The following DIAPH2 variants were observed in gnomAD, a reference collection of about 807,000 sequenced individuals.
DIAPH2 encodes diaphanous related formin 2, also known as protein diaphanous homolog 2.
DIAPH2 carries 35 observed loss-of-function variants against 92.7 expected under a neutral mutation model. The ratio of observed to expected loss-of-function variants is 0.38; its 90% CI spans 0.29 to 0.50. The LOEUF (loss-of-function observed/expected upper bound fraction) is 0.50, where lower values mean the gene tolerates loss of function less well. Ranked by LOEUF, DIAPH2 falls within the 20% of genes least tolerant of loss-of-function variation. DIAPH2 has a pLI of 0.94. For missense variants in DIAPH2, 701 were observed against 819.5 expected (o/e 0.86, Z 1.77); for synonymous variants, 301 against 280.4 (o/e 1.07, Z -0.73).
intron 25 of DIAPH2, among the ~76,000 whole-genome samples, chrX:97,415,873 G>T (rs935161163): frequency 1.3e-4 from 14 of 111,160 alleles, no homozygotes; most frequent in Non-Finnish European, 2.6e-4. Flanking sequence ...AAATAGTGAG[G>T]ATGTGAATTA....
chrX:97,139,937 C>T (rs934781862), intron 21 of DIAPH2, among the ~76,000 whole-genome samples: 6 of 110,251 alleles, frequency 5.4e-5, no homozygotes, highest in Non-Finnish European at 7.6e-5. Context: ...TAGCCATGTG[C>T]GTTTTATTGT....
intron 26 of DIAPH2, among the ~76,000 whole-genome samples, chrX:97,545,256 T>C (rs965803036): frequency 2.7e-5 from 3 of 111,064 alleles, no homozygotes; most frequent in African/African-American, 9.8e-5. Flanking sequence ...AATCCAAAGC[T>C]ATTTCTCCTT....
At chrX:96,929,747 G>GT (rs957819168) in intron 9 of DIAPH2, among the ~76,000 whole-genome samples, 10 of 110,353 alleles carry the variant, frequency 9.1e-5, no homozygotes, top group African/African-American at 2.9e-4. Context: ...TATATAATAT[G>GT]TTTTTTTCCG....
intron 17 of DIAPH2, among the ~76,000 whole-genome samples, chrX:97,070,579 C>T (rs975940992): frequency 1.8e-5 from 2 of 111,345 alleles, no homozygotes; most frequent in Non-Finnish European, 3.8e-5. Flanking sequence ...AACAAGAAGG[C>T]CAAAGGCAAT....
intron 22 of DIAPH2, among the ~76,000 whole-genome samples, chrX:97,228,553 A>T (rs1243315788): frequency 9.0e-6 from 1 of 111,683 alleles, no homozygotes; most frequent in African/African-American, 3.3e-5. Flanking sequence ...CATACCCTTT[A>T]TTAGGCAGCA....
chrX:97,545,533 A>AAAATAT (rs1260118151), intron 26 of DIAPH2, among the ~76,000 whole-genome samples: 90 of 79,322 alleles, frequency 1.1e-3, no homozygotes, highest in African/African-American at 4.4e-3. Flanking sequence ...AAAAAAAAAA[A>AAAATAT]ATATATATAT....
chrX:97,135,397 G>A (rs1466438934), intron 21 of DIAPH2, among the ~76,000 whole-genome samples: 3 of 110,485 alleles, frequency 2.7e-5, no homozygotes, highest in Admixed American at 1.9e-4. Context: ...TTGTAGAGAT[G>A]GGATATCACC....
chrX:97,466,972 A>G (rs1216338128), intron 26 of DIAPH2, among the ~76,000 whole-genome samples: 2 of 111,742 alleles, frequency 1.8e-5, no homozygotes, highest in Non-Finnish European at 3.8e-5. Context: ...TATTGTGTAT[A>G]TTTTTTCTTT....
At chrX:97,145,831 A>T (rs1032311825) in intron 22 of DIAPH2, among the ~76,000 whole-genome samples, 1 of 109,731 alleles carries the variant, frequency 9.1e-6, no homozygotes, top group Non-Finnish European at 1.9e-5. Flanking sequence ...TTCTCATTTC[A>T]GTATACCCAG....
intron 22 of DIAPH2, among the ~76,000 whole-genome samples, chrX:97,209,499 T>C (rs751509658): frequency 9.0e-6 from 1 of 111,597 alleles, no homozygotes; most frequent in Non-Finnish European, 1.9e-5. Context: ...ATGAAAAATA[T>C]TTTCCTTTTT....
intron 26 of DIAPH2, among the ~76,000 whole-genome samples, chrX:97,596,590 C>G (rs978045263): frequency 1.8e-5 from 2 of 111,476 alleles, no homozygotes; most frequent in Non-Finnish European, 3.8e-5. Context: ...CATGAGCACC[C>G]AGTTTCTCCA....
At chrX:97,391,618 C>G (rs1209207320) in intron 25 of DIAPH2, among the ~76,000 whole-genome samples, 1 of 111,189 alleles carries the variant, frequency 9.0e-6, no homozygotes, top group East Asian at 2.8e-4. Context: ...TGTACACTTT[C>G]CGTAAAGCTT....
chrX:97,502,563 G>T (rs1403676255), intron 26 of DIAPH2, among the ~76,000 whole-genome samples: 3 of 112,111 alleles, frequency 2.7e-5, no homozygotes, highest in African/African-American at 9.7e-5. Flanking sequence ...TCTGTAACAG[G>T]TCTACAGATT....
At position 97,383,981 on chromosome X, in the gene DIAPH2, A is replaced by G; in HGVS notation, c.3082A>G (p.Lys1028Glu). The change falls in exon 25 of 27, where the codon AAA becomes GAA. Residue 1028 changes from lysine (K) to glutamate (E), a missense_variant. Lys to Glu is a moderately conservative substitution (Grantham distance 56). Coordinates refer to ENST00000324765, the MANE Select transcript of DIAPH2 (RefSeq NM_006729.5). ...KTRRAKLAKE[K>E]AEQEKLERQK... ...CAGGAGGGCAAAACTTGCAAAAGAG[A>G]AAGCTGAACAAGAAAAGTTAGAACG... The G allele has an allele frequency of 8.3e-7, 1 of 1,205,722 alleles. No individual in the cohort carries two copies. The highest frequency in any genetic ancestry group is 1.1e-6 in the Non-Finnish European group (1 of 891,403).
At chrX:97,090,839 T>C (rs143754302) in intron 19 of DIAPH2, among the ~76,000 whole-genome samples, 1,167 of 111,385 alleles carry the variant, frequency 0.01, 19 homozygotes, top group African/African-American at 0.036. Flanking sequence ...GTTCAAAGCA[T>C]AGTATTAATA....
At chrX:97,536,437 T>C (rs2147853860) in intron 26 of DIAPH2, among the ~76,000 whole-genome samples, 3 of 112,504 alleles carry the variant, frequency 2.7e-5, no homozygotes. Context: ...AACACATTAT[T>C]ACTACATGAA....
chrX:97,031,904 T>C (rs1241664576), intron 17 of DIAPH2, among the ~76,000 whole-genome samples: 1 of 111,556 alleles, frequency 9.0e-6, no homozygotes, highest in South Asian at 3.7e-4. Flanking sequence ...TAGCAAAAAA[T>C]TCTAGACACA....
At chrX:97,130,429 A>G (rs1016999386) in intron 21 of DIAPH2, among the ~76,000 whole-genome samples, 1 of 112,035 alleles carries the variant, frequency 8.9e-6, no homozygotes, top group Non-Finnish European at 1.9e-5. Context: ...TTTAAAAGGA[A>G]TGAAACTCTG....
At chrX:97,181,941 T>A (rs922264735) in intron 22 of DIAPH2, among the ~76,000 whole-genome samples, 2 of 112,315 alleles carry the variant, frequency 1.8e-5, no homozygotes, top group Non-Finnish European at 3.8e-5. Context: ...ATAGAAAGTT[T>A]TTAAGTACTC....
Sources: gnomAD v4.1 joint callset for allele counts (sites outside exome capture counted in the v4.1 genomes callset) on GRCh38, gnomAD v4.1.1 for gene constraint, MANE v1.5 for transcripts, NCBI Gene and HGNC (gene_info 2026-07-23, HGNC 2026-07-21) for gene names.